Variants in AXL observed in about 807,000 individuals in gnomAD.
The protein encoded by AXL is AXL receptor tyrosine kinase.
In AXL, 52 loss-of-function variants were observed where a neutral mutation model predicts 104.5. The observed-to-expected ratio is 0.50, with a 90% CI of 0.40 to 0.63. The LOEUF is 0.63. AXL is among the 20% of genes least tolerant of loss of function. AXL has a pLI of 0.00. For synonymous variants in AXL, 455 were observed against 473.7 expected (o/e 0.96, Z 0.51); for missense variants, 1,024 against 1,188.5 (o/e 0.86, Z 2.04).
At chr19:41,241,352 G>T (rs943375166) in intron 10 of AXL, among the ~76,000 whole-genome samples, 1 of 152,016 alleles carries the variant, frequency 6.6e-6, no homozygotes, top group African/African-American at 2.4e-5. Context: ...AGACCAGCCT[G>T]GCCAACATTG....
rs1338560133 is a variant in AXL, at chr19:41,248,781, G to A, written c.1672G>A (p.Asp558Asn). Residue 558 changes from aspartate (D) to asparagine (N), a missense_variant, in exon 14 of 20, where the codon GAC (aspartate) becomes AAC (asparagine). This residue lies in a region of AXL where 523 missense variants were observed against 636.0 expected (regional missense o/e 0.82). Transcript: ENST00000301178. ...TGTGATGGAAGGCCAGCTCAACCAG[G>A]ACGACTCCATCCTCAAGGTGGCTGT... ...GAVMEGQLNQDDSILKVAVKT... is the reference protein window; with the variant it reads ...GAVMEGQLNQNDSILKVAVKT... 4 of 1,613,796 alleles carry A rather than the reference G, an allele frequency of 2.5e-6. No homozygotes were observed. The African/African-American group carries it at 4.0e-5, about 16-fold the overall frequency.
At chr19:41,230,380 T>C (rs1313524646) in intron 4 of AXL, among the ~76,000 whole-genome samples, 1 of 151,564 alleles carries the variant, frequency 6.6e-6, no homozygotes, top group East Asian at 1.9e-4. Flanking sequence ...TATGTGTCTA[T>C]GTGTGTGTAT....
chr19:41,251,969 C>T (rs1207613100), intron 14 of AXL, among the ~76,000 whole-genome samples: 2 of 150,676 alleles, frequency 1.3e-5, no homozygotes, highest in African/African-American at 4.9e-5. Flanking sequence ...AAAAATTAGC[C>T]GGGTGTGGTG....
chr19:41,239,556 A>T, intron 9 of AXL, 138 bp from the exon 10 acceptor site: 5 of 1,217,766 alleles, frequency 4.1e-6, no homozygotes, highest in Non-Finnish European at 6.0e-6. Flanking sequence ...TCACTCCCTT[A>T]CCCGTGCCAA....
In AXL at chr19:41,239,194, G is replaced by A. The variant is rs2122237486; in HGVS notation, c.1165G>A (p.Val389Met). Reference sequence around the variant, plus strand: ...AATGGACATAGGGCTAAGGCAAGAGGTGACCCTGGAGCTGCAGGGGGACGG... The same window carrying A: ...AATGGACATAGGGCTAAGGCAAGAGATGACCCTGGAGCTGCAGGGGGACGG... ...VLMDIGLRQE[V>M]TLELQGDGSV... Residue 389 changes from valine to methionine, a missense_variant, in exon 9 of 20, where the codon GTG (valine) becomes ATG (methionine). Val to Met is a conservative substitution (Grantham distance 21). Coordinates refer to ENST00000301178, the MANE Select transcript of AXL (RefSeq NM_021913.5). The A allele has an allele frequency of 1.2e-6, 2 of 1,613,388 alleles. No individual in the cohort carries two copies. Among genetic ancestry groups the A allele is most frequent in the Non-Finnish European group, 1.7e-6 (2 of 1,179,570 alleles).
chr19:41,222,652 A>G (rs1250183664), intron 4 of AXL, among the ~76,000 whole-genome samples: 1 of 152,082 alleles, frequency 6.6e-6, no homozygotes, highest in Non-Finnish European at 1.5e-5. Context: ...CACGCCTGTA[A>G]TCCCAGCACT....
intron 6 of AXL, among the ~76,000 whole-genome samples, chr19:41,231,926 CAA>C (rs35258825): frequency 1.3e-4 from 17 of 126,340 alleles, no homozygotes; most frequent in South Asian, 2.5e-4. Context: ...GACTCTGTCT[CAA>C]AAAAAAAAAA....
Position 41,226,184 on chromosome 19 carries a change from GC to G in AXL, c.586+4133del, listed in dbSNP as rs1336268173. Among the ~76,000 whole-genome samples, 9 of 152,228 alleles carry G rather than the reference GC, an allele frequency of 5.9e-5. No homozygotes were observed. The South Asian group carries it at 1.7e-3, about 28-fold the overall frequency. ...GCCGGAAGCGCTGGGGTGGGGAGGT[GC>G]CCCCGGTGACTCACGCGGGGGCAGG... On this transcript the variant is annotated intron_variant, in intron 4 of 19. Coordinates refer to ENST00000301178, the MANE Select transcript of AXL (RefSeq NM_021913.5).
chr19:41,226,327 G>A (rs2033880591), intron 4 of AXL, among the ~76,000 whole-genome samples: 1 of 152,196 alleles, frequency 6.6e-6, no homozygotes, highest in African/African-American at 2.4e-5. Context: ...GTGCCAGGTG[G>A]CTGGACCCGA....
At position 41,220,639 on chromosome 19, in the gene AXL, C is replaced by T. The variant is rs891614619; in HGVS notation, c.89C>T (p.Thr30Met). ...ACTCTTCCCATCTCCCCTCCAGGCA[C>T]GCAGGCTGAAGAAAGTCCCTTCGTG... ...CGWACMAPRG[T>M]QAEESPFVGN... Residue 30 changes from threonine (T) to methionine (M), a missense_variant, in exon 2 of 20, where the codon ACG becomes ATG. Thr to Met is a moderately conservative substitution (Grantham distance 81). This residue lies in a region of AXL where 124 missense variants were observed against 115.5 expected (regional missense o/e 1.07). Transcript: ENST00000301178. 4.5e-6 allele frequency: 7 copies of T among 1,570,690 alleles called. No individual in the cohort carries two copies. The highest frequency in any genetic ancestry group is 1.9e-5 in the Admixed American group (1 of 53,128).
chr19:41,219,370 C>A lies in AXL; in HGVS notation c.-23C>A, dbSNP rs540801607. ...CCCTCCCCCGCTGGGAGCCCAACAA[C>A]TTCTGAGGAAAGTTTGGCACCCATG... On this transcript the variant is annotated 5_prime_UTR_variant, in exon 1 of 20. Transcript: ENST00000301178. 3.6e-5 allele frequency: 56 copies of A among 1,573,292 alleles called. No homozygotes were observed. In the South Asian group the frequency reaches 5.0e-4, roughly 14 times the overall value.
intron 12 of AXL, among the ~76,000 whole-genome samples, chr19:41,246,060 A>C (rs1296979230): frequency 2.0e-5 from 3 of 152,228 alleles, no homozygotes; most frequent in African/African-American, 7.2e-5. Context: ...TCTCATTAGC[A>C]TTCAGCGCAG....
At chr19:41,259,140 C>A (rs962110236) in intron 19 of AXL, among the ~76,000 whole-genome samples, 2 of 152,192 alleles carry the variant, frequency 1.3e-5, no homozygotes, top group African/African-American at 4.8e-5. Flanking sequence ...GTCACTAAGT[C>A]CTGCCCATGC....
intron 13 of AXL, 24 bp downstream of exon 13, chr19:41,248,633 AC>A: frequency 6.2e-7 from 1 of 1,613,310 alleles, no homozygotes; most frequent in South Asian, 1.1e-5. Context: ...CAGCATACAC[AC>A]ATCCTTCTGA....
rs2034513387 is a variant in AXL, at chr19:41,260,024, A to G, written c.*120A>G. On this transcript the variant is annotated 3_prime_UTR_variant, in exon 20 of 20. Transcript: ENST00000301178. ...TCCCCACTTGCAGCCCTGTCTTCCT[A>G]CCTATCCCACCTCCATCCCAGACAG... 1.1e-6 allele frequency: 1 copy of G among 872,076 alleles called. No individual in the cohort carries two copies. The highest frequency in any genetic ancestry group is 1.7e-5 in the African/African-American group (1 of 58,450). 54.0% of individuals were successfully genotyped at this position (872,076 alleles called of 1,614,324 possible). A position where few individuals can be genotyped will look rare whatever the true frequency, so the allele number is the denominator to read the frequency against.
chr19:41,233,492 G>A (rs555908073), intron 6 of AXL, among the ~76,000 whole-genome samples: 157 of 151,762 alleles, frequency 1.0e-3, no homozygotes, highest in African/African-American at 3.6e-3. Flanking sequence ...TTAGCTCAGT[G>A]TGGTGGCACA....
intron 1 of AXL, 83 bp downstream of exon 1, chr19:41,219,560 T>TG (rs1260677602): frequency 2.2e-6 from 3 of 1,367,496 alleles, no homozygotes; most frequent in African/African-American, 1.6e-5. Flanking sequence ...ATGGCAGGTG[T>TG]GGGGGGCCTG....
chr19:41,261,320 T>C lies in AXL; in HGVS notation c.*1416T>C, dbSNP rs1481717710. The C allele has an allele frequency of 1.3e-5, 2 of 152,690 alleles. No homozygotes were observed. The highest frequency in any genetic ancestry group is 2.4e-5 in the African/African-American group (1 of 41,466). The allele number at this position is 152,690 out of a possible 1,614,324, so 9.5% of individuals were successfully genotyped here. ...TAGACACCAAAGTTCTAATAATTTC[T>C]AATGTTGGACACCTTTAGGTTCTTT... On this transcript the variant is annotated 3_prime_UTR_variant, in exon 20 of 20. Transcript: ENST00000301178.
chr19:41,257,356 T>A, intron 18 of AXL, 137 bp from the exon 19 acceptor site: 1 of 1,239,788 alleles, frequency 8.1e-7, no homozygotes, highest in Non-Finnish European at 1.1e-6. Context: ...AGTATTATGT[T>A]TCTATGAATA....
Sources: gnomAD v4.1 joint callset for allele counts (sites outside exome capture counted in the v4.1 genomes callset) on GRCh38, gnomAD v4.1.1 for gene constraint, gnomAD v4.1.1 regional missense constraint, MANE v1.5 for transcripts, NCBI Gene and HGNC (gene_info 2026-07-23, HGNC 2026-07-21) for gene names.